The following ZFAT variants were observed in gnomAD, a reference collection of about 807,000 sequenced individuals.
The protein encoded by ZFAT is zinc finger protein ZFAT.
A neutral mutation model predicts 117.7 loss-of-function variants in ZFAT; 64 were observed. The ratio of observed to expected loss-of-function variants is 0.54; its 90% CI spans 0.44 to 0.67. The LOEUF (loss-of-function observed/expected upper bound fraction) is 0.67, where lower values mean the gene tolerates loss of function less well. Ranked by LOEUF, ZFAT falls within the 30% of genes least tolerant of loss-of-function variation. The probability of loss-of-function intolerance (pLI) is 0.00; values close to 1 mark genes in which losing one functional copy is unlikely to be tolerated. For missense variants in ZFAT, 1,433 were observed against 1,584.5 expected, an observed-to-expected ratio of 0.90 and a Z score of 1.62; for synonymous variants, 679 against 615.0, an observed-to-expected ratio of 1.10 and a Z score of -1.54.
the ZFAT span, among the ~76,000 whole-genome samples, chr8:134,729,368 A>G: frequency 8.5e-4 from 129 of 152,154 alleles, no homozygotes; most frequent in Non-Finnish European, 1.6e-3. Context: ...GTCTCGCTCT[A>G]TCACCCAGGC....
rs183974668 is a variant in ZFAT at position 134,528,783 on chromosome 8, C to T, written c.3115+4051G>A. On this transcript the variant is annotated intron_variant, in intron 12 of 15. Transcript: ENST00000377838. ...TATTCCTTCTGCTGTAATTAGAATA[C>T]AGAGCTTTGGCGGGAGCTGCCTAGC... Among the ~76,000 whole-genome samples the T allele has an allele frequency of 4.6e-5, 7 of 152,288 alleles. No individual in the cohort carries two copies. In the East Asian group the frequency reaches 9.7e-4, roughly 21 times the overall value.
the ZFAT span, among the ~76,000 whole-genome samples, chr8:134,726,420 C>T: frequency 1.4e-4 from 22 of 152,200 alleles, no homozygotes; most frequent in African/African-American, 5.1e-4. Flanking sequence ...AAATTGTGCA[C>T]ATGCTCACTT....
intron 3 of ZFAT, among the ~76,000 whole-genome samples, chr8:134,633,136 CA>C (rs1435141911): frequency 6.6e-6 from 1 of 151,984 alleles, no homozygotes; most frequent in African/African-American, 2.4e-5. Flanking sequence ...AGCAATGCTA[CA>C]AAGGAAACTA....
At chr8:134,496,793 G>C (rs539705248) in intron 15 of ZFAT, among the ~76,000 whole-genome samples, 2 of 152,264 alleles carry the variant, frequency 1.3e-5, no homozygotes, top group Non-Finnish European at 2.9e-5. Context: ...GGGTGAGGGA[G>C]GGTACTCCTC....
the ZFAT span, among the ~76,000 whole-genome samples, chr8:134,769,329 G>C: frequency 6.6e-6 from 1 of 152,204 alleles, no homozygotes; most frequent in Admixed American, 6.5e-5. Flanking sequence ...CATTCCAAGT[G>C]GGGGAAATTG....
At chr8:134,815,274 TAAC>T in the ZFAT span, among the ~76,000 whole-genome samples, 1 of 152,210 alleles carries the variant, frequency 6.6e-6, no homozygotes, top group African/African-American at 2.4e-5. Context: ...TATAATTGCA[TAAC>T]AAGTCTTAGT....
At chr8:134,542,668 CA>C (rs1312328698) in intron 11 of ZFAT, among the ~76,000 whole-genome samples, 1 of 152,256 alleles carries the variant, frequency 6.6e-6, no homozygotes, top group Non-Finnish European at 1.5e-5. Context: ...TCAGAGCCTT[CA>C]AAGTCTGCCA....
At chr8:134,632,944 G>A (rs913681645) in intron 3 of ZFAT, among the ~76,000 whole-genome samples, 2 of 152,174 alleles carry the variant, frequency 1.3e-5, no homozygotes, top group African/African-American at 4.8e-5. Flanking sequence ...TCACAAAAGA[G>A]ACTGGCAAGG....
chr8:134,702,748 T>G (rs1379110792), intron 1 of ZFAT, among the ~76,000 whole-genome samples: 8 of 151,586 alleles, frequency 5.3e-5, no homozygotes, highest in Non-Finnish European at 1.0e-4. Context: ...CTCGGCTCAC[T>G]GCAAGCTCCG....
At chr8:134,659,492 G>A (rs1445452269) in intron 1 of ZFAT, among the ~76,000 whole-genome samples, 1 of 152,142 alleles carries the variant, frequency 6.6e-6, no homozygotes, top group Non-Finnish European at 1.5e-5. Flanking sequence ...TCTAAAGATA[G>A]CGCATGCCTG....
chr8:134,574,051 G>T (rs1347721245), intron 10 of ZFAT, among the ~76,000 whole-genome samples: 2 of 152,218 alleles, frequency 1.3e-5, no homozygotes, highest in Non-Finnish European at 2.9e-5. Context: ...TGTTATCCTA[G>T]CTCAGGTTAG....
At chr8:134,780,898 G>C in the ZFAT span, among the ~76,000 whole-genome samples, 1 of 152,156 alleles carries the variant, frequency 6.6e-6, no homozygotes, top group Non-Finnish European at 1.5e-5. Flanking sequence ...GGAAACCAAA[G>C]TGAGTAATGC....
upstream of ZFAT, among the ~76,000 whole-genome samples, chr8:134,715,903 A>G (rs1042207177): frequency 6.6e-6 from 1 of 152,240 alleles, no homozygotes; most frequent in African/African-American, 2.4e-5. Context: ...ATTTAGGAAC[A>G]TAATTTCACA....
In ZFAT at chr8:134,514,614, G is replaced by A. The variant is rs1408420861; in HGVS notation, c.3235-2013C>T. On this transcript the variant is annotated intron_variant, in intron 13 of 15. Transcript: ENST00000377838. ...TACAGAGCAGAACACTGAGCCATGA[G>A]GGTTAAAAAATGGCTCAAGGGCAAG... Among the ~76,000 whole-genome samples the A allele has an allele frequency of 3.3e-5, 5 of 152,214 alleles. No homozygotes were observed. In the East Asian group the frequency reaches 9.6e-4, roughly 29 times the overall value.
At chr8:134,560,298 C>T (rs368332547) in intron 11 of ZFAT, among the ~76,000 whole-genome samples, 6 of 152,138 alleles carry the variant, frequency 3.9e-5, no homozygotes, top group African/African-American at 9.7e-5. Flanking sequence ...ATGTCTCTCA[C>T]GACAGCATTT....
At chr8:134,823,613 T>C in the ZFAT span, among the ~76,000 whole-genome samples, 1 of 152,340 alleles carries the variant, frequency 6.6e-6, no homozygotes, top group African/African-American at 2.4e-5. Flanking sequence ...GCAGGATAGC[T>C]CCAGGTTTCA....
At chr8:134,594,573 G>A (rs537872155) in intron 7 of ZFAT, among the ~76,000 whole-genome samples, 4 of 152,234 alleles carry the variant, frequency 2.6e-5, no homozygotes, top group South Asian at 4.2e-4. Context: ...ATGCACCACC[G>A]CCAATCACTA....
At position 134,531,980 on chromosome 8, in the gene ZFAT, G is replaced by A. The variant is rs1403553539; in HGVS notation, c.3115+854C>T. The stretch of plus-strand genomic sequence containing the variant: ...CTAAATCTGTCTTCAGCTTCAAATA[G>A]TCACAGGACTTAGGAAAGAAGAGCA... On this transcript the variant is annotated intron_variant, in intron 12 of 15. Transcript: ENST00000377838. 3.3e-5 allele frequency among the ~76,000 whole-genome samples: 5 copies of A among 152,212 alleles called. No individual in the cohort carries two copies. The South Asian group carries it at 1.0e-3, about 31-fold the overall frequency.
intron 2 of ZFAT, among the ~76,000 whole-genome samples, chr8:134,638,373 T>C (rs980931529): frequency 2.0e-5 from 3 of 152,014 alleles, no homozygotes; most frequent in African/African-American, 4.8e-5. Flanking sequence ...GTGTTAATTT[T>C]TAAGGCATTC....
Sources: gnomAD v4.1 joint callset for allele counts (sites outside exome capture counted in the v4.1 genomes callset) on GRCh38, gnomAD v4.1.1 for gene constraint, MANE v1.5 for transcripts, NCBI Gene and HGNC (gene_info 2026-07-23, HGNC 2026-07-21) for gene names.